The following CAPSL variants were observed in gnomAD, a reference collection of about 807,000 sequenced individuals.
CAPSL encodes the protein calcyphosine like, also known as calcyphosin-like protein.
Under a neutral mutation model 21.3 loss-of-function variants are expected in CAPSL, and 17 were observed. The observed-to-expected ratio is 0.80, with a 90% CI of 0.55 to 1.20. CAPSL has a LOEUF of 1.20. CAPSL is among the 50% of genes most tolerant of loss of function. The pLI, the probability that CAPSL is intolerant of heterozygous loss-of-function variation, is 0.00. For missense variants in CAPSL, 289 were observed against 259.3 expected (o/e 1.11, Z -0.79); for synonymous variants, 102 against 89.3 (o/e 1.14, Z -0.80).
chr5:35,924,639 TCACCCAGTTCAC>T (rs1561441923), intron 1 of CAPSL, among the ~76,000 whole-genome samples: 1 of 152,174 alleles, frequency 6.6e-6, no homozygotes, highest in Non-Finnish European at 1.5e-5. Flanking sequence ...AATCATTGAA[TCACCCAGTTCAC>T]CAACCACTAG....
chr5:35,938,344 A>T (rs1739007119), intron 1 of CAPSL, among the ~76,000 whole-genome samples, 197 bp downstream of exon 1: 1 of 152,184 alleles, frequency 6.6e-6, no homozygotes, highest in African/African-American at 2.4e-5. Flanking sequence ...TGCAAAGATT[A>T]CAAAAATCTT....
At chr5:35,936,135 A>G (rs962029) in intron 1 of CAPSL, among the ~76,000 whole-genome samples, 131,523 of 152,130 alleles carry the variant, frequency 0.86, 57,035 homozygotes, top group East Asian at 1. Context: ...AAAAAATGGA[A>G]CCACCAGTTA....
intron 1 of CAPSL, among the ~76,000 whole-genome samples, chr5:35,921,855 C>T (rs765310345): frequency 2.8e-4 from 43 of 151,584 alleles, no homozygotes; most frequent in Non-Finnish European, 5.3e-4. Flanking sequence ...GGTAACCTGC[C>T]TGTGAGTGAA....
chr5:35,910,302 G>A (rs1738180845), intron 3 of CAPSL, 64 bp downstream of exon 3: 2 of 1,538,502 alleles, frequency 1.3e-6, no homozygotes, highest in African/African-American at 1.4e-5. Context: ...AAACCTCAAG[G>A]TAGCCAACCC....
chr5:35,906,997 C>T (rs940900750), intron 4 of CAPSL, among the ~76,000 whole-genome samples: 2 of 152,180 alleles, frequency 1.3e-5, no homozygotes, highest in Non-Finnish European at 2.9e-5. Flanking sequence ...TGGCCTGAAT[C>T]GCAAATTCTC....
At chr5:35,914,349 C>G (rs1738313314) in intron 2 of CAPSL, among the ~76,000 whole-genome samples, 2 of 152,108 alleles carry the variant, frequency 1.3e-5, no homozygotes, top group African/African-American at 4.8e-5. Flanking sequence ...AAGTTCTGCA[C>G]CAAGCGGACC....
At chr5:35,924,821 C>A (rs747752995) in intron 1 of CAPSL, among the ~76,000 whole-genome samples, 2 of 152,156 alleles carry the variant, frequency 1.3e-5, no homozygotes, top group Non-Finnish European at 2.9e-5. Context: ...TTATTAAGCA[C>A]CGGGGCTTTT....
chr5:35,920,513 A>G (rs911663049), intron 2 of CAPSL, among the ~76,000 whole-genome samples: 2 of 152,180 alleles, frequency 1.3e-5, no homozygotes, highest in African/African-American at 4.8e-5. Context: ...AGAGAACCCC[A>G]TTGGCAGTGA....
intron 4 of CAPSL, among the ~76,000 whole-genome samples, chr5:35,907,823 T>G (rs1760713302): frequency 6.6e-6 from 1 of 152,244 alleles, no homozygotes; most frequent in Admixed American, 6.5e-5. Context: ...CAAGCAATCT[T>G]AATATGCAAA....
Position 35,904,295 on chromosome 5 carries a change from T to C in CAPSL, c.*250A>G, listed in dbSNP as rs1760620288. ...CATGTATCAGCACAGCACTAGGAGC[T>C]TTACAGAGCTCATTTTATTTAAGTC... On this transcript the variant is annotated 3_prime_UTR_variant, in exon 5 of 5. Coordinates refer to ENST00000651391, the MANE Select transcript of CAPSL (RefSeq NM_001042625.2). The C allele has an allele frequency of 1.9e-6, 1 of 527,418 alleles. No homozygotes were observed. Among genetic ancestry groups the C allele is most frequent in the South Asian group, 2.4e-5 (1 of 40,970 alleles). The allele number at this position is 527,418 out of a possible 1,614,324, so 32.7% of individuals were successfully genotyped here.
intron 4 of CAPSL, among the ~76,000 whole-genome samples, chr5:35,905,971 C>G (rs146662667): frequency 6.6e-6 from 1 of 152,286 alleles, no homozygotes; most frequent in African/African-American, 2.4e-5. Context: ...AGTAATTTAA[C>G]TGGGAATATC....
intron 4 of CAPSL, among the ~76,000 whole-genome samples, chr5:35,908,614 A>G (rs1415208118): frequency 6.6e-6 from 1 of 152,140 alleles, no homozygotes; most frequent in Non-Finnish European, 1.5e-5. Context: ...GCAGTTGGCT[A>G]TTTTTCCACT....
At chr5:35,928,484 G>A (rs1450139345) in intron 1 of CAPSL, among the ~76,000 whole-genome samples, 3 of 152,146 alleles carry the variant, frequency 2.0e-5, no homozygotes, top group East Asian at 1.9e-4. Flanking sequence ...TGTTGACATC[G>A]TGAGAGTTAC....
chr5:35,932,735 G>T (rs1738852626), intron 1 of CAPSL, among the ~76,000 whole-genome samples: 1 of 152,232 alleles, frequency 6.6e-6, no homozygotes, highest in Non-Finnish European at 1.5e-5. Flanking sequence ...GGAGCATGAA[G>T]CTTTCTAAAC....
intron 1 of CAPSL, among the ~76,000 whole-genome samples, chr5:35,924,802 G>C (rs1002157575): frequency 1.3e-4 from 20 of 152,310 alleles, no homozygotes; most frequent in Non-Finnish European, 4.4e-5. Flanking sequence ...TTAAGCAGAA[G>C]GGAAAAGTTT....
intron 2 of CAPSL, among the ~76,000 whole-genome samples, 166 bp from the exon 3 acceptor site, chr5:35,910,709 C>T (rs1017151234): frequency 1.4e-4 from 22 of 152,062 alleles, no homozygotes; most frequent in Admixed American, 7.2e-4. Context: ...CTTCCCACCA[C>T]ACACACACAA....
At position 35,924,969 on chromosome 5, in the gene CAPSL, G is replaced by C. The variant is rs576846711; in HGVS notation, c.1-3849C>G. Reference sequence around the variant, plus strand: ...CCGACTTCATAGCAGTGCACAAAGTGTCTCTGCCTGTAGAAGACTCTGTCT... The same window carrying C: ...CCGACTTCATAGCAGTGCACAAAGTCTCTCTGCCTGTAGAAGACTCTGTCT... On this transcript the variant is annotated intron_variant, in intron 1 of 4. Coordinates refer to ENST00000651391, the MANE Select transcript of CAPSL (RefSeq NM_001042625.2). Among the ~76,000 whole-genome samples, 8 of 152,328 alleles carry C rather than the reference G, an allele frequency of 5.3e-5. 1 individual carries two copies. In the East Asian group the frequency reaches 1.3e-3, roughly 26 times the overall value.
chr5:35,928,501 G>A (rs1738740634), intron 1 of CAPSL, among the ~76,000 whole-genome samples: 1 of 152,092 alleles, frequency 6.6e-6, no homozygotes. Flanking sequence ...TTACTTCACG[G>A]AGCCCATTTG....
intron 4 of CAPSL, among the ~76,000 whole-genome samples, chr5:35,907,457 G>A (rs1401719596): frequency 6.6e-6 from 1 of 152,136 alleles, no homozygotes; most frequent in Non-Finnish European, 1.5e-5. Flanking sequence ...AGATATTAAA[G>A]AATAAGAAGT....
Sources: allele counts gnomAD v4.1 joint callset (sites outside exome capture counted in the v4.1 genomes callset), GRCh38; gene constraint gnomAD v4.1.1; transcripts MANE v1.5; gene names NCBI Gene and HGNC (gene_info 2026-07-23, HGNC 2026-07-21).